Variants in MMP20 observed in about 807,000 individuals in gnomAD.
MMP20 encodes the protein matrix metallopeptidase 20.
MMP20 carries 50 observed loss-of-function variants against 51.8 expected under a neutral mutation model. The ratio of observed to expected loss-of-function variants is 0.97; its 90% CI spans 0.77 to 1.22. MMP20 has a LOEUF of 1.22. Among genes scored for constraint, MMP20 ranks in the 50% most tolerant of loss-of-function variants. The pLI is 0.00. For synonymous variants in MMP20, 244 were observed against 216.2 expected (o/e 1.13, Z -1.13); for missense variants, 663 against 601.4 (o/e 1.10, Z -1.07).
chr11:102,598,689 T>C (rs1218955204), intron 6 of MMP20, among the ~76,000 whole-genome samples: 1 of 152,266 alleles, frequency 6.6e-6, no homozygotes, highest in Non-Finnish European at 1.5e-5. Flanking sequence ...CTTGAATTCC[T>C]CCTCCAGCAT....
chr11:102,599,348 T>C (rs906949139), intron 6 of MMP20, among the ~76,000 whole-genome samples: 2 of 152,200 alleles, frequency 1.3e-5, no homozygotes, highest in African/African-American at 4.8e-5. Flanking sequence ...GTTTAATTAC[T>C]GCTCACTCCC....
chr11:102,593,258 T>A (rs1056883718), intron 8 of MMP20, among the ~76,000 whole-genome samples, 181 bp downstream of exon 8: 3 of 152,220 alleles, frequency 2.0e-5, no homozygotes, highest in Non-Finnish European at 4.4e-5. Context: ...GTTTCACTCA[T>A]CATTTTGATG....
intron 8 of MMP20, 21 bp from the exon 9 acceptor site, chr11:102,579,163 T>TG: frequency 2.0e-6 from 3 of 1,507,046 alleles, no homozygotes; most frequent in Non-Finnish European, 1.8e-6. Flanking sequence ...TATTATTTCA[T>TG]AAATAATATT....
intron 6 of MMP20, among the ~76,000 whole-genome samples, chr11:102,604,858 C>T (rs931205012): frequency 6.6e-6 from 1 of 152,136 alleles, no homozygotes; most frequent in African/African-American, 2.4e-5. Flanking sequence ...CTAGTAAAAT[C>T]CTATTTTTTT....
At chr11:102,589,307 G>A (rs1859289398) in intron 8 of MMP20, among the ~76,000 whole-genome samples, 1 of 152,182 alleles carries the variant, frequency 6.6e-6, no homozygotes, top group South Asian at 2.1e-4. Context: ...GTGGAGCTCA[G>A]CCATCACTTC....
intron 8 of MMP20, among the ~76,000 whole-genome samples, chr11:102,590,761 T>C (rs781247221): frequency 6.6e-5 from 10 of 152,338 alleles, no homozygotes; most frequent in Middle Eastern, 3.4e-3. Context: ...TTTTTGAGTA[T>C]GGCCATGTGC....
rs1859810042 is a variant in MMP20, at chr11:102,625,328, A to G, written c.-9T>C. The G allele has an allele frequency of 1.2e-6, 2 of 1,612,706 alleles. No homozygotes were observed. Among genetic ancestry groups the G allele is most frequent in the Non-Finnish European group, 1.7e-6 (2 of 1,179,354 alleles). On this transcript the variant is annotated 5_prime_UTR_variant, in exon 1 of 10. Coordinates refer to ENST00000260228, the MANE Select transcript of MMP20 (RefSeq NM_004771.4). ...GCAGGGAGCACCTTCATCCCCTCAC[A>G]GTAGCTTGGTAATTATATCAGCCTG...
intron 2 of MMP20, among the ~76,000 whole-genome samples, chr11:102,612,952 G>GTCTTGAACTGCTGACC (rs1346857746): frequency 2.6e-5 from 4 of 152,040 alleles, no homozygotes; most frequent in African/African-American, 9.7e-5. Context: ...GGCCAGGCTG[G>GTCTTGAACTGCTGACC]TCTTGAACTG....
At chr11:102,615,973 G>C (rs1049807745) in intron 2 of MMP20, among the ~76,000 whole-genome samples, 1 of 152,180 alleles carries the variant, frequency 6.6e-6, no homozygotes, top group Admixed American at 6.5e-5. Context: ...ACCTGGGGAG[G>C]AAGTCTGCGC....
At chr11:102,599,839 A>G (rs1423878028) in intron 6 of MMP20, among the ~76,000 whole-genome samples, 1 of 152,236 alleles carries the variant, frequency 6.6e-6, no homozygotes, top group East Asian at 1.9e-4. Flanking sequence ...CAAGAAAAAT[A>G]TAGTTCATAC....
chr11:102,577,481 A>G, intron 9 of MMP20, 55 bp from the exon 10 acceptor site: 1 of 1,217,162 alleles, frequency 8.2e-7, no homozygotes, highest in Non-Finnish European at 1.2e-6. Flanking sequence ...ACATATATAA[A>G]TGGAAGAATT....
intron 1 of MMP20, among the ~76,000 whole-genome samples, chr11:102,618,232 T>C (rs1190434094): frequency 6.6e-6 from 1 of 152,084 alleles, no homozygotes; most frequent in African/African-American, 2.4e-5. Context: ...TCCACAATTG[T>C]TTGATTCCAT....
chr11:102,580,707 T>C (rs1166562919), intron 8 of MMP20, among the ~76,000 whole-genome samples: 1 of 152,222 alleles, frequency 6.6e-6, no homozygotes, highest in Non-Finnish European at 1.5e-5. Flanking sequence ...TTACCTACTT[T>C]TCATTTTACT....
At chr11:102,586,629 C>T (rs1342573194) in intron 8 of MMP20, among the ~76,000 whole-genome samples, 3 of 151,874 alleles carry the variant, frequency 2.0e-5, no homozygotes, top group South Asian at 2.1e-4. Flanking sequence ...CTGGCTAACA[C>T]GGTGAAACCC....
At chr11:102,583,117 C>T (rs1859215199) in intron 8 of MMP20, among the ~76,000 whole-genome samples, 1 of 152,178 alleles carries the variant, frequency 6.6e-6, no homozygotes, top group Non-Finnish European at 1.5e-5. Flanking sequence ...TCTTGTTCCC[C>T]TAAATCTGCT....
intron 8 of MMP20, among the ~76,000 whole-genome samples, chr11:102,579,918 T>C (rs150385351): frequency 6.6e-6 from 1 of 152,360 alleles, no homozygotes; most frequent in African/African-American, 2.4e-5. Context: ...AAGCCTTTCA[T>C]AGGTGCTTTT....
At chr11:102,611,174 A>G (rs139768905) in intron 3 of MMP20, among the ~76,000 whole-genome samples, 27 of 152,292 alleles carry the variant, frequency 1.8e-4, no homozygotes, top group African/African-American at 5.8e-4. Context: ...TTGAAATGAC[A>G]AGGACACTAG....
At chr11:102,624,181 C>T (rs974243729) in intron 1 of MMP20, among the ~76,000 whole-genome samples, 9 of 152,140 alleles carry the variant, frequency 5.9e-5, no homozygotes, top group African/African-American at 1.7e-4. Flanking sequence ...GACAGCCAAG[C>T]GGTACACAGG....
At chr11:102,581,507 G>C (rs1591607742) in intron 8 of MMP20, among the ~76,000 whole-genome samples, 1 of 152,168 alleles carries the variant, frequency 6.6e-6, no homozygotes, top group African/African-American at 2.4e-5. Context: ...ATTTTACTGA[G>C]AGAGTAACAG....
Sources: gnomAD v4.1 joint callset for allele counts (sites outside exome capture counted in the v4.1 genomes callset) on GRCh38, gnomAD v4.1.1 for gene constraint, MANE v1.5 for transcripts, NCBI Gene and HGNC (gene_info 2026-07-23, HGNC 2026-07-21) for gene names.